The following CACNB4 variants were observed in gnomAD, a reference collection of about 807,000 sequenced individuals.
CACNB4 encodes the protein calcium voltage-gated channel auxiliary subunit beta 4.
CACNB4 carries 32 observed loss-of-function variants against 71.2 expected under a neutral mutation model. The ratio of observed to expected loss-of-function variants is 0.45; its 90% CI spans 0.34 to 0.60. The LOEUF is 0.60. Among genes scored for constraint, CACNB4 ranks in the 20% least tolerant of loss-of-function variants. The pLI is 0.01. For missense variants in CACNB4, 464 were observed against 647.9 expected (o/e 0.72, Z 3.08); for synonymous variants, 231 against 236.9 (o/e 0.97, Z 0.23).
At chr2:152,069,174 G>A (rs1184064445) in intron 2 of CACNB4, among the ~76,000 whole-genome samples, 1 of 152,130 alleles carries the variant, frequency 6.6e-6, no homozygotes, top group Non-Finnish European at 1.5e-5. Flanking sequence ...TTCACAGAGA[G>A]GCATGGTATC....
intron 2 of CACNB4, among the ~76,000 whole-genome samples, chr2:152,022,054 G>A (rs546356951): frequency 1.3e-5 from 2 of 152,304 alleles, no homozygotes; most frequent in East Asian, 3.9e-4. Context: ...TTCCTTCACA[G>A]TTGTAGTGAC....
chr2:151,843,129 G>C (rs1310961245), intron 12 of CACNB4, among the ~76,000 whole-genome samples: 1 of 152,176 alleles, frequency 6.6e-6, no homozygotes, highest in Non-Finnish European at 1.5e-5. Flanking sequence ...TCAACATCTG[G>C]TCTGTACTCA....
chr2:151,998,489 C>T (rs951346283), intron 2 of CACNB4, among the ~76,000 whole-genome samples: 3 of 152,206 alleles, frequency 2.0e-5, no homozygotes, highest in South Asian at 2.1e-4. Context: ...ACTTCCTTAA[C>T]TTCTCAGAAC....
intron 10 of CACNB4, chr2:151,859,374 T>G (rs935451049): frequency 6.6e-6 from 1 of 152,208 alleles, no homozygotes; most frequent in Non-Finnish European, 1.5e-5. Context: ...TTAATTATCT[T>G]TTAGCCTCTC....
chr2:152,086,370 G>C (rs186406776), intron 2 of CACNB4, among the ~76,000 whole-genome samples: 4 of 152,308 alleles, frequency 2.6e-5, no homozygotes, highest in Admixed American at 2.6e-4. Context: ...TCTGAAATTA[G>C]CAAAGAATGT....
intron 2 of CACNB4, among the ~76,000 whole-genome samples, chr2:151,998,160 TA>T (rs1367853739): frequency 1.6e-4 from 25 of 151,912 alleles, no homozygotes; most frequent in African/African-American, 6.0e-4. Flanking sequence ...CTGTCTCTAC[TA>T]AAAATACAAA....
chr2:152,052,839 G>A (rs190522388), intron 2 of CACNB4, among the ~76,000 whole-genome samples: 4 of 152,040 alleles, frequency 2.6e-5, no homozygotes, highest in African/African-American at 7.2e-5. Flanking sequence ...AAAATTGGCT[G>A]GGCGTGGTGG....
At chr2:152,062,394 C>T (rs1171352944) in intron 2 of CACNB4, among the ~76,000 whole-genome samples, 1 of 152,184 alleles carries the variant, frequency 6.6e-6, no homozygotes, top group African/African-American at 2.4e-5. Flanking sequence ...TCTTCTAAAT[C>T]ATTTTATTTC....
chr2:151,924,749 G>T (rs1179216392), intron 2 of CACNB4, among the ~76,000 whole-genome samples: 1 of 152,150 alleles, frequency 6.6e-6, no homozygotes, highest in African/African-American at 2.4e-5. Flanking sequence ...TTTCTGGAAT[G>T]CCAGACTGGC....
chr2:152,098,528 C>G lies in CACNB4; in HGVS notation c.64-115G>C. ...ACCCGCTCCCTGGGGTCCCCTAGAG[C>G]CCGCACCCAAGTCTCCTCCGCGACT... On this transcript the variant is annotated intron_variant, in intron 1 of 13. Coordinates refer to ENST00000539935, the MANE Select transcript of CACNB4 (RefSeq NM_000726.5). The surrounding 1 kb of genome is among the most constrained non-coding windows in gnomAD (Gnocchi z 5.3). The G allele has an allele frequency of 1.5e-6, 2 of 1,361,076 alleles. No individual in the cohort carries two copies. Among genetic ancestry groups the G allele is most frequent in the Non-Finnish European group, 1.0e-6 (1 of 959,446 alleles). The allele number at this position is 1,361,076 out of a possible 1,614,324, so 84.3% of individuals were successfully genotyped here.
At chr2:152,094,628 G>A (rs901861696) in intron 2 of CACNB4, among the ~76,000 whole-genome samples, 3 of 152,134 alleles carry the variant, frequency 2.0e-5, no homozygotes, top group Non-Finnish European at 4.4e-5. Context: ...CCGCCCTCTC[G>A]TTCCTTGTTA....
chr2:151,993,438 C>T (rs189249565), intron 2 of CACNB4, among the ~76,000 whole-genome samples: 30 of 152,194 alleles, frequency 2.0e-4, no homozygotes, highest in Admixed American at 2.0e-3. Flanking sequence ...ATGAAACACA[C>T]AGCAGTGAGA....
intron 2 of CACNB4, among the ~76,000 whole-genome samples, chr2:151,988,726 C>G (rs1681518550): frequency 1.3e-5 from 2 of 152,102 alleles, no homozygotes; most frequent in African/African-American, 4.8e-5. Context: ...TTCTCCTCTT[C>G]TTCTATAAGG....
chr2:151,957,089 G>T (rs2099868449), intron 2 of CACNB4, among the ~76,000 whole-genome samples: 1 of 152,120 alleles, frequency 6.6e-6, no homozygotes, highest in Non-Finnish European at 1.5e-5. Flanking sequence ...GGAAATGGAG[G>T]TTGCAGTGAG....
chr2:151,877,153 A>G (rs1199503370), intron 4 of CACNB4, among the ~76,000 whole-genome samples: 1 of 150,526 alleles, frequency 6.6e-6, no homozygotes, highest in Admixed American at 6.7e-5. Context: ...TATCTGAGGT[A>G]GATGCATAGA....
At chr2:151,870,725 C>T in intron 7 of CACNB4, 114 bp from the exon 8 acceptor site, 2 of 1,220,612 alleles carry the variant, frequency 1.6e-6, no homozygotes, top group Non-Finnish European at 2.4e-6. Context: ...TTATCAAAGT[C>T]CCCACCGAGG....
chr2:151,852,946 G>T (rs2099839429), intron 12 of CACNB4: 1 of 152,440 alleles, frequency 6.6e-6, no homozygotes. Flanking sequence ...AATGGCACTA[G>T]AAGAAGAGTT....
chr2:151,918,579 T>C (rs1293805340), intron 2 of CACNB4, among the ~76,000 whole-genome samples: 2 of 152,200 alleles, frequency 1.3e-5, no homozygotes, highest in Non-Finnish European at 2.9e-5. Context: ...CACAAGCACA[T>C]AGATGCTCCC....
chr2:152,026,103 GC>G (rs1683954948), intron 2 of CACNB4, among the ~76,000 whole-genome samples: 1 of 152,182 alleles, frequency 6.6e-6, no homozygotes, highest in African/African-American at 2.4e-5. Flanking sequence ...CTTCCTAGGA[GC>G]TACCAGAAGT....
Sources: gnomAD v4.1 joint callset for allele counts (sites outside exome capture counted in the v4.1 genomes callset) on GRCh38, gnomAD v4.1.1 for gene constraint, Gnocchi (gnomAD v3.1) non-coding constraint, MANE v1.5 for transcripts, NCBI Gene and HGNC (gene_info 2026-07-23, HGNC 2026-07-21) for gene names.